Variants in CUBN observed in about 807,000 individuals in gnomAD.
The protein encoded by CUBN is cubilin, also known as 460 kDa receptor.
CUBN carries 282 observed loss-of-function variants against 405.3 expected under a neutral mutation model. The observed-to-expected ratio is 0.70, with a 90% confidence interval of 0.63 to 0.77. The LOEUF (loss-of-function observed/expected upper bound fraction) is 0.77. CUBN is among the 30% of genes least tolerant of loss of function. The probability of loss-of-function intolerance (pLI) is 0.00; values close to 1 mark genes in which losing one functional copy is unlikely to be tolerated. For missense variants in CUBN, 4,514 were observed against 4,475.2 expected (o/e 1.01, Z -0.25); for synonymous variants, 1,684 against 1,617.0 (o/e 1.04, Z -0.99).
intron 60 of CUBN, among the ~76,000 whole-genome samples, chr10:16,844,593 T>C (rs1839456590): frequency 6.6e-6 from 1 of 152,162 alleles, no homozygotes; most frequent in Non-Finnish European, 1.5e-5. Context: ...TGGAAGGAAA[T>C]GACATACATA....
At chr10:16,937,514 C>A (rs1015394615) in intron 39 of CUBN, 78 bp downstream of exon 39, 2 of 1,235,836 alleles carry the variant, frequency 1.6e-6, no homozygotes, top group East Asian at 4.9e-5. Flanking sequence ...TATCTGACCC[C>A]TGTTATGATA....
At chr10:16,966,211 T>A (rs1324910712) in intron 31 of CUBN, among the ~76,000 whole-genome samples, 2 of 152,206 alleles carry the variant, frequency 1.3e-5, no homozygotes, top group Admixed American at 6.5e-5. Flanking sequence ...TTGGCATCTG[T>A]CCTGCATTCC....
intron 57 of CUBN, among the ~76,000 whole-genome samples, 192 bp from the exon 58 acceptor site, chr10:16,874,695 A>G (rs1840451081): frequency 6.6e-6 from 1 of 152,210 alleles, no homozygotes; most frequent in African/African-American, 2.4e-5. Context: ...AGGAAGATGA[A>G]AGACAGCAAG....
chr10:17,010,288 T>C (rs1163034068), intron 28 of CUBN, among the ~76,000 whole-genome samples: 3 of 152,230 alleles, frequency 2.0e-5, no homozygotes, highest in Non-Finnish European at 4.4e-5. Flanking sequence ...ATCTGTATTA[T>C]AGAGATGAAT....
At chr10:16,984,943 C>T (rs577956928) in intron 29 of CUBN, among the ~76,000 whole-genome samples, 26 of 152,328 alleles carry the variant, frequency 1.7e-4, no homozygotes, top group African/African-American at 5.5e-4. Flanking sequence ...TGTGCCTGCT[C>T]CCAGCACGCC....
chr10:17,084,476 G>C lies in CUBN; in HGVS notation c.2111-15C>G, dbSNP rs536447988. The C allele has an allele frequency of 1.0e-4, 161 of 1,610,396 alleles. 1 individual carries two copies. In the South Asian group the frequency reaches 1.7e-3, roughly 17 times the overall value. On this transcript the variant is annotated splice_polypyrimidine_tract_variant and intron_variant, in intron 16 of 66. Transcript: ENST00000377833. ...ACGCAGATCCGCTAAGAACAGGGAA[G>C]AGACGAACAGGTCATGGCAATGGCA...
At chr10:17,102,595 C>CTT (rs11357524) in intron 13 of CUBN, among the ~76,000 whole-genome samples, 32 of 63,142 alleles carry the variant, frequency 5.1e-4, no homozygotes, top group South Asian at 8.2e-4. Context: ...CCTTGTTACT[C>CTT]TTTTTTTTTT....
chr10:17,128,841 T>C (rs938384880), intron 2 of CUBN, among the ~76,000 whole-genome samples: 1 of 152,168 alleles, frequency 6.6e-6, no homozygotes, highest in Non-Finnish European at 1.5e-5. Flanking sequence ...GATAGACCAG[T>C]AGGGTGACTA....
At chr10:17,103,680 C>T (rs966339101) in intron 12 of CUBN, among the ~76,000 whole-genome samples, 2 of 152,166 alleles carry the variant, frequency 1.3e-5, no homozygotes, top group Non-Finnish European at 2.9e-5. Flanking sequence ...AAACATATAA[C>T]AACAACCTCT....
At chr10:17,102,681 A>G (rs1455732665) in intron 13 of CUBN, among the ~76,000 whole-genome samples, 3 of 136,548 alleles carry the variant, frequency 2.2e-5, no homozygotes, top group African/African-American at 8.8e-5. Flanking sequence ...GTCTCTGCTC[A>G]CTACAAACTC....
At chr10:16,959,358 G>A (rs1843156656) in intron 31 of CUBN, among the ~76,000 whole-genome samples, 1 of 152,098 alleles carries the variant, frequency 6.6e-6, no homozygotes, top group Non-Finnish European at 1.5e-5. Context: ...GGCTTCGTGT[G>A]GTGGTTCACG....
intron 22 of CUBN, among the ~76,000 whole-genome samples, chr10:17,056,630 A>G (rs1020411037): frequency 4.6e-5 from 7 of 152,086 alleles, no homozygotes; most frequent in Non-Finnish European, 8.8e-5. Flanking sequence ...AACTTCTAGA[A>G]GGATGCACGT....
intron 27 of CUBN, among the ~76,000 whole-genome samples, chr10:17,022,392 T>G (rs1821182252): frequency 1.3e-5 from 2 of 152,332 alleles, no homozygotes; most frequent in South Asian, 4.1e-4. Context: ...GGCTTACTGC[T>G]GTAGCTTCCT....
At position 17,114,009 on chromosome 10, in the gene CUBN, G is replaced by C; in HGVS notation, c.883+18C>G. ...CAACCTGGCATGCAGAGCCTGGCTT[G>C]TGGCCCTGAGAATGTACCTGTTGGA... On this transcript the variant is annotated intron_variant, in intron 8 of 66. Coordinates refer to ENST00000377833, the MANE Select transcript of CUBN (RefSeq NM_001081.4). 2 of 1,610,208 alleles carry C rather than the reference G, an allele frequency of 1.2e-6. No individual in the cohort carries two copies. Among genetic ancestry groups the C allele is most frequent in the Non-Finnish European group, 8.5e-7 (1 of 1,178,192 alleles).
intron 35 of CUBN, among the ~76,000 whole-genome samples, chr10:16,948,054 C>T (rs1176440199): frequency 6.6e-6 from 1 of 152,126 alleles, no homozygotes; most frequent in African/African-American, 2.4e-5. Context: ...ACTAAAAATA[C>T]AAAAATTAGC....
At chr10:16,905,474 C>A (rs1338954794) in intron 50 of CUBN, among the ~76,000 whole-genome samples, 1 of 152,138 alleles carries the variant, frequency 6.6e-6, no homozygotes, top group Non-Finnish European at 1.5e-5. Flanking sequence ...TGCAAAACTT[C>A]TTTTAACTCC....
intron 45 of CUBN, among the ~76,000 whole-genome samples, chr10:16,917,151 G>A (rs1454302935): frequency 6.6e-6 from 1 of 151,996 alleles, no homozygotes; most frequent in African/African-American, 2.4e-5. Context: ...TTTGGCACTA[G>A]AGACTCAGAG....
At chr10:16,947,103 G>C in intron 36 of CUBN, 132 bp downstream of exon 36, 1 of 953,034 alleles carries the variant, frequency 1.0e-6, no homozygotes, top group Non-Finnish European at 1.7e-6. Context: ...AACTATGACT[G>C]AAACAGAGGA....
chr10:17,006,760 C>CA (rs1186612403), intron 28 of CUBN, among the ~76,000 whole-genome samples: 2 of 148,118 alleles, frequency 1.4e-5, no homozygotes, highest in African/African-American at 4.9e-5. Flanking sequence ...AAGATGTTGA[C>CA]ACGGTTTTTA....
Sources: allele counts gnomAD v4.1 joint callset (sites outside exome capture counted in the v4.1 genomes callset), GRCh38; gene constraint gnomAD v4.1.1; transcripts MANE v1.5; gene names NCBI Gene and HGNC (gene_info 2026-07-23, HGNC 2026-07-21).